Variants in PTPRH observed in about 807,000 individuals in gnomAD.
PTPRH encodes receptor-type tyrosine-protein phosphatase H.
PTPRH carries 113 observed loss-of-function variants against 130.2 expected under a neutral mutation model. The observed-to-expected ratio is 0.87, with a 90% CI of 0.75 to 1.01. The LOEUF (loss-of-function observed/expected upper bound fraction) is 1.01, where lower values mean the gene tolerates loss of function less well. PTPRH is among the 50% of genes least tolerant of loss of function. PTPRH has a pLI of 0.00. For missense variants in PTPRH, 1,430 were observed against 1,425.0 expected, an observed-to-expected ratio of 1.00 and a Z score of -0.06; for synonymous variants, 556 against 577.9, an observed-to-expected ratio of 0.96 and a Z score of 0.54.
Position 55,188,184 on chromosome 19 carries a change from G to A in PTPRH, c.2385-16C>T, listed in dbSNP as rs991321692. The A allele has an allele frequency of 1.2e-6, 2 of 1,601,442 alleles. No individual in the cohort carries two copies. Among genetic ancestry groups the A allele is most frequent in the Non-Finnish European group, 1.7e-6 (2 of 1,168,508 alleles). ...CCCTGGGGAGCTACGGGTTTTGGGG[G>A]AGCAGGGAGAAAAGACCGTAACTTC... is the stretch of plus-strand genomic sequence containing the variant. On this transcript the variant is annotated splice_polypyrimidine_tract_variant and intron_variant, in intron 12 of 19. Transcript: ENST00000376350.
chr19:55,188,913 C>T (rs1210652656), intron 12 of PTPRH, among the ~76,000 whole-genome samples: 1 of 152,216 alleles, frequency 6.6e-6, no homozygotes, highest in African/African-American at 2.4e-5. Flanking sequence ...AGTGTCCAAC[C>T]CCAAGCCACT....
chr19:55,197,217 G>T lies in PTPRH; in HGVS notation c.1890C>A (p.Tyr630Ter). The T allele has an allele frequency of 2.5e-6, 4 of 1,614,254 alleles. No homozygotes were observed. Among genetic ancestry groups the T allele is most frequent in the Non-Finnish European group, 3.4e-6 (4 of 1,180,050 alleles). ...NQTSRTNETW[Y>*]KVEALEPGTL... Reference sequence around the variant, plus strand: ...TCCCGGGTTCCAGGGCCTCCACTTTGTACCACGTCTCATTGGTCCTGCTGG... The same window carrying T: ...TCCCGGGTTCCAGGGCCTCCACTTTTTACCACGTCTCATTGGTCCTGCTGG... The change falls in exon 9 of 20, where the codon TAC becomes TAA. Residue 630 changes from tyrosine (Y) to a stop codon, truncating the protein, a stop_gained. Transcript: ENST00000376350. LOFTEE classifies it high-confidence loss of function.
Position 55,189,167 on chromosome 19 carries a change from G to T in PTPRH, c.2385-999C>A, listed in dbSNP as rs545423898. Among the ~76,000 whole-genome samples, 235 of 152,140 alleles carry T rather than the reference G, an allele frequency of 1.5e-3. 1 individual carries two copies. The highest frequency in any genetic ancestry group is 2.3e-3 in the Non-Finnish European group (155 of 67,996). ...TGCCCGGCTAATTTTTGTATTTTTA[G>T]TAGAAACGGGGTTTTGCCATGTTGA... On this transcript the variant is annotated intron_variant, in intron 12 of 19. Coordinates refer to ENST00000376350, the MANE Select transcript of PTPRH (RefSeq NM_002842.5).
chr19:55,203,420 C>T (rs200971475), intron 5 of PTPRH, among the ~76,000 whole-genome samples: 2 of 105,902 alleles, frequency 1.9e-5, no homozygotes, highest in Non-Finnish European at 1.9e-5. Context: ...TCCTTCCTTC[C>T]TTCTTTCTTT....
At chr19:55,201,458 G>A (rs182695287) in intron 6 of PTPRH, among the ~76,000 whole-genome samples, 6 of 152,342 alleles carry the variant, frequency 3.9e-5, no homozygotes, top group African/African-American at 1.4e-4. Flanking sequence ...AATATGGTAG[G>A]CATTAGCACC....
Position 55,206,936 on chromosome 19 carries a change from G to T in PTPRH, c.105C>A (p.Asn35Lys), listed in dbSNP as rs2087083401. The change falls in exon 3 of 20, where the codon AAC (asparagine) becomes AAA (lysine). Residue 35 changes from asparagine to lysine, a missense_variant. Transcript: ENST00000376350. ...TGGTGGTCTGAGTCTCCACTGTCAG[G>T]TTCCTCCCTGGGTTGGGGGCTGAGA... ...ARAPAPNPGR[N>K]LTVETQTTSS... 8 of 1,602,696 alleles carry T rather than the reference G, an allele frequency of 5.0e-6. No individual in the cohort carries two copies. In the African/African-American group the frequency reaches 5.3e-5, roughly 11 times the overall value.
chr19:55,207,300 C>T, intron 1 of PTPRH, 101 bp from the exon 2 acceptor site: 1 of 1,322,872 alleles, frequency 7.6e-7, no homozygotes, highest in Non-Finnish European at 1.0e-6. Context: ...CCCCATGAGT[C>T]ACCCTTGCAT....
intron 12 of PTPRH, among the ~76,000 whole-genome samples, chr19:55,189,277 C>T (rs1025033401): frequency 4.6e-5 from 7 of 152,164 alleles, no homozygotes; most frequent in Admixed American, 2.0e-4. Context: ...TGAGCCACCA[C>T]GCCTGGCCTC....
At position 55,186,098 on chromosome 19, in the gene PTPRH, G is replaced by A. The variant is rs1482593558; in HGVS notation, c.2779-114C>T. Reference sequence around the variant, plus strand: ...GGGCTGGGGGGAGAGTGGGGAACAGGTCTACACTGAAGACGCCTGGGGTTA... The same window carrying A: ...GGGCTGGGGGGAGAGTGGGGAACAGATCTACACTGAAGACGCCTGGGGTTA... On this transcript the variant is annotated intron_variant, in intron 16 of 19. Transcript: ENST00000376350. 4 of 1,583,194 alleles carry A rather than the reference G, an allele frequency of 2.5e-6. No individual in the cohort carries two copies. In the East Asian group the frequency reaches 6.7e-5, roughly 27 times the overall value.
chr19:55,187,056 A>ATTTATATATTATATAATTTTTTTTT (rs2086360066), intron 14 of PTPRH, among the ~76,000 whole-genome samples: 1 of 146,768 alleles, frequency 6.8e-6, no homozygotes, highest in African/African-American at 2.6e-5. Context: ...GAAAAAAAAA[A>ATTTATATATTATATAATTTTTTTTT]GGTGGGGGGC....
intron 14 of PTPRH, among the ~76,000 whole-genome samples, chr19:55,187,134 A>T (rs968725726): frequency 2.0e-5 from 3 of 151,392 alleles, no homozygotes; most frequent in Non-Finnish European, 2.9e-5. Context: ...TCACAAGGTC[A>T]GGAGATCGAG....
intron 10 of PTPRH, among the ~76,000 whole-genome samples, chr19:55,196,240 T>C (rs1384968804): frequency 6.6e-6 from 1 of 151,694 alleles, no homozygotes; most frequent in East Asian, 1.9e-4. Context: ...ATCCAAAAAT[T>C]AGCCGGGCGT....
chr19:55,194,265 T>C (rs764085963), intron 10 of PTPRH: 2 of 1,289,658 alleles, frequency 1.6e-6, no homozygotes, highest in South Asian at 2.5e-5. Flanking sequence ...TTCATCAGCC[T>C]TGAAGGCCCC....
At position 55,191,943 on chromosome 19, in the gene PTPRH, A is replaced by C. The variant is rs762844528; in HGVS notation, c.2258-202T>G. 5.9e-6 allele frequency: 4 copies of C among 673,630 alleles called. No individual in the cohort carries two copies. In the South Asian group the frequency reaches 6.0e-5, roughly 10 times the overall value. 41.7% of individuals were successfully genotyped at this position (673,630 alleles called of 1,614,324 possible). On this transcript the variant is annotated intron_variant, in intron 10 of 19. Transcript: ENST00000376350. ...TTTCCTCCACCCCTGAGACAGCAAG[A>C]CCAGCCCCTCTCCTACCTCCTCCTC...
intron 18 of PTPRH, among the ~76,000 whole-genome samples, chr19:55,184,834 A>G (rs1416048087): frequency 2.0e-5 from 3 of 151,798 alleles, no homozygotes; most frequent in African/African-American, 7.3e-5. Flanking sequence ...AAATAAAATA[A>G]AATAAATATC....
In PTPRH at chr19:55,186,285, C is replaced by G. The variant is rs2086322522; in HGVS notation, c.2718G>C (p.Leu906=). The G allele has an allele frequency of 6.2e-7, 1 of 1,614,054 alleles. No individual in the cohort carries two copies. Among genetic ancestry groups the G allele is most frequent in the Non-Finnish European group, 8.5e-7 (1 of 1,179,958 alleles). ...GGGTGTGGCTCTGCTGTTCCCACAC[C>G]AGGCGCCAGAAGTCACCCACTGTCT... ...LPQTVGDFWR[L]VWEQQSHTLV... Residue 906 remains leucine, a synonymous_variant, in exon 16 of 20, where the codon CTG becomes CTC. Transcript: ENST00000376350.
chr19:55,202,592 T>TACACAC (rs146718002), intron 5 of PTPRH, among the ~76,000 whole-genome samples: 1,950 of 149,980 alleles, frequency 0.013, 42 homozygotes, highest in African/African-American at 0.044. Flanking sequence ...ATTGATCCTA[T>TACACAC]ACACACACAC....
At position 55,200,366 on chromosome 19, in the gene PTPRH, T is replaced by C. The variant is rs1297364524; in HGVS notation, c.1290A>G (p.Thr430=). Residue 430 remains threonine, a synonymous_variant, in exon 7 of 20, where the codon ACA becomes ACG. Transcript: ENST00000376350. ...TGGTATTTGTTGTGTTTCGGGTCTC[T>C]GTGCCACCACCGTCTCCAGTGTACT... ...WVEYTGDGGG[T]ETRNTTNTSV... 3 of 1,614,084 alleles carry C rather than the reference T, an allele frequency of 1.9e-6. No individual in the cohort carries two copies. The highest frequency in any genetic ancestry group is 2.5e-6 in the Non-Finnish European group (3 of 1,180,046).
Position 55,200,350 on chromosome 19 carries a change from TTG to T in PTPRH, c.1304_1305del (p.Thr435AsnfsTer8). ...GDGGGTETRN[T>X]TNTSVTAERL... is the part of the protein sequence containing the mutation. ...CTCTCAGCTGTCACACTGGTATTTG[TTG>T]TGTTTCGGGTCTCTGTGCCACCACC... On this transcript the variant is annotated frameshift_variant, in exon 7 of 20. Transcript: ENST00000376350. LOFTEE classifies it high-confidence loss of function. The T allele has an allele frequency of 6.2e-7, 1 of 1,614,146 alleles. No homozygotes were observed. Among genetic ancestry groups the T allele is most frequent in the South Asian group, 1.1e-5 (1 of 91,078 alleles).
Sources: allele counts gnomAD v4.1 joint callset (sites outside exome capture counted in the v4.1 genomes callset), GRCh38; gene constraint gnomAD v4.1.1; transcripts MANE v1.5; gene names NCBI Gene and HGNC (gene_info 2026-07-23, HGNC 2026-07-21).